SFMBT1: variants seen among roughly 807,000 people sequenced by gnomAD.
SFMBT1 encodes Scm like with four mbt domains 1.
Under a neutral mutation model 108.7 loss-of-function variants are expected in SFMBT1, and 32 were observed. The observed-to-expected ratio is 0.29, with a 90% CI of 0.22 to 0.40. SFMBT1 has a LOEUF of 0.40. SFMBT1 is among the 10% of genes least tolerant of loss of function. SFMBT1 has a pLI of 1.00. For synonymous variants in SFMBT1, 348 were observed against 369.5 expected (o/e 0.94, Z 0.67); for missense variants, 816 against 1,059.6 (o/e 0.77, Z 3.19).
At chr3:52,953,035 A>G (rs933529756) in intron 3 of SFMBT1, among the ~76,000 whole-genome samples, 8 of 152,200 alleles carry the variant, frequency 5.3e-5, no homozygotes, top group Non-Finnish European at 4.4e-5. Context: ...TGAGAAGATA[A>G]ATGTCAGTTG....
At chr3:53,000,137 C>G (rs1389051432) in intron 1 of SFMBT1, among the ~76,000 whole-genome samples, 1 of 150,198 alleles carries the variant, frequency 6.7e-6, no homozygotes, top group African/African-American at 2.4e-5. Context: ...GCTGGGATTA[C>G]AGGCGTGAGC....
intron 4 of SFMBT1, among the ~76,000 whole-genome samples, chr3:52,938,341 G>A (rs894590534): frequency 2.0e-5 from 3 of 151,934 alleles, no homozygotes; most frequent in Admixed American, 6.6e-5. Context: ...TATATACTTC[G>A]TGTATATGTA....
rs116522183 is a variant in SFMBT1, at chr3:52,993,141, A to C, written c.-130-23883T>G. On this transcript the variant is annotated intron_variant, in intron 1 of 20. Transcript: ENST00000394752. ...TCAAAAAATAGCACATAGAGCAGGT[A>C]AAAAGGGTAGGAAAAATTTTTTTCT... Among the ~76,000 whole-genome samples, 794 of 150,968 alleles carry C rather than the reference A, an allele frequency of 5.3e-3. 25 individuals are homozygous for C. Among genetic ancestry groups the C allele is most frequent in the African/African-American group, 0.018 (737 of 41,460 alleles).
chr3:52,969,368 T>C (rs1204955937), intron 1 of SFMBT1, 110 bp from the exon 2 acceptor site: 2 of 1,125,704 alleles, frequency 1.8e-6, no homozygotes, highest in Non-Finnish European at 1.2e-6. Flanking sequence ...AAAAACATAC[T>C]GGCAGAATAG....
chr3:52,930,891 A>C, intron 7 of SFMBT1, 50 bp downstream of exon 7: 12 of 1,503,868 alleles, frequency 8.0e-6, no homozygotes, highest in Non-Finnish European at 1.1e-5. Context: ...GCGTTGCTTT[A>C]CTCTACTGTA....
At position 52,935,968 on chromosome 3, in the gene SFMBT1, C is replaced by T. The variant is rs1312457654; in HGVS notation, c.365-1067G>A. Among the ~76,000 whole-genome samples, 4 of 152,224 alleles carry T rather than the reference C, an allele frequency of 2.6e-5. No individual in the cohort carries two copies. In the East Asian group the frequency reaches 7.7e-4, roughly 29 times the overall value. On this transcript the variant is annotated intron_variant, in intron 4 of 20. Transcript: ENST00000394752. ...TGGTGACCAGTTGTTCTACTGTTCC[C>T]TGTATTTGCCATAAATCAGTATTTA... is the stretch of plus-strand genomic sequence containing the variant.
intron 15 of SFMBT1, among the ~76,000 whole-genome samples, 185 bp downstream of exon 15, chr3:52,913,293 G>A (rs965343153): frequency 2.9e-5 from 3 of 104,514 alleles, no homozygotes; most frequent in Admixed American, 8.6e-5. Context: ...AGTTGTTTAC[G>A]TGAATGTTTC....
At chr3:53,035,002 G>A (rs995739329) in intron 1 of SFMBT1, among the ~76,000 whole-genome samples, 19 of 152,352 alleles carry the variant, frequency 1.2e-4, no homozygotes, top group Non-Finnish European at 2.2e-4. Context: ...CGGTCCATGT[G>A]AGACTGACAT....
At position 52,921,714 on chromosome 3, in the gene SFMBT1, G is replaced by C. The variant is rs371573708; in HGVS notation, c.1249C>G (p.Gln417Glu). 3 of 1,613,952 alleles carry C rather than the reference G, an allele frequency of 1.9e-6. No homozygotes were observed. The African/African-American group carries it at 4.0e-5, about 22-fold the overall frequency. The change falls in exon 11 of 21, where the codon CAG (glutamine) becomes GAG (glutamate). Residue 417 changes from glutamine (Q) to glutamate (E), a missense_variant. Around this residue, in one of 5 missense-constraint regions of SFMBT1, gnomAD observed 495 missense variants for 607.4 expected, o/e 0.81. Coordinates refer to ENST00000394752, the MANE Select transcript of SFMBT1 (RefSeq NM_016329.4). ...TAVRGSYLWL[Q>E]LEGSKKPIPE... ...GAGTGCTGGCACTCACCCTCCAGCTGGAGCCACAGGTAGGAGCCTCTCACT... is the reference window on the plus strand; with the variant it reads ...GAGTGCTGGCACTCACCCTCCAGCTCGAGCCACAGGTAGGAGCCTCTCACT...
At chr3:52,915,127 T>G (rs35569457) in intron 14 of SFMBT1, among the ~76,000 whole-genome samples, 17,431 of 152,192 alleles carry the variant, frequency 0.11, 1,029 homozygotes, top group Non-Finnish European at 0.13. Context: ...TGGTTCAACT[T>G]ATCTCTCTGC....
chr3:52,905,140 T>C lies in SFMBT1; in HGVS notation c.2597A>G (p.Asn866Ser), dbSNP rs139862995. The change falls in exon 21 of 21, where the codon AAC (asparagine) becomes AGC (serine). Residue 866 changes from asparagine (N) to serine (S), a missense_variant. Transcript: ENST00000394752. ...AGCTCACTTTGGTTGTCCTTCTCAGTTGGCAAACTGCTCATAAAAAGCAAA... is the reference window on the plus strand; with the variant it reads ...AGCTCACTTTGGTTGTCCTTCTCAGCTGGCAAACTGCTCATAAAAAGCAAA... ...IKFAFYEQFA[N>S] is the part of the protein sequence containing the mutation. The C allele has an allele frequency of 3.3e-4, 532 of 1,613,670 alleles. No individual in the cohort carries two copies. Among genetic ancestry groups the C allele is most frequent in the Non-Finnish European group, 4.1e-4 (481 of 1,179,832 alleles).
intron 3 of SFMBT1, among the ~76,000 whole-genome samples, chr3:52,944,920 C>A (rs1703307178): frequency 6.6e-6 from 1 of 151,824 alleles, no homozygotes; most frequent in Non-Finnish European, 1.5e-5. Flanking sequence ...CCTCCCACAT[C>A]AGCCTCCTGA....
chr3:52,909,340 T>G (rs1033638115), intron 17 of SFMBT1, among the ~76,000 whole-genome samples: 2 of 152,222 alleles, frequency 1.3e-5, no homozygotes, highest in Non-Finnish European at 2.9e-5. Context: ...ATAATTGCAG[T>G]TTCCTAAACT....
At chr3:52,910,914 A>G (rs1374631027) in intron 17 of SFMBT1, 89 bp downstream of exon 17, 10 of 1,164,228 alleles carry the variant, frequency 8.6e-6, no homozygotes, top group Non-Finnish European at 1.2e-5. Context: ...TGCCTCTGCT[A>G]TATATGAATG....
At chr3:53,029,731 T>A (rs570435523) in intron 1 of SFMBT1, among the ~76,000 whole-genome samples, 1 of 152,226 alleles carries the variant, frequency 6.6e-6, no homozygotes, top group Non-Finnish European at 1.5e-5. Context: ...CATCTTCAGA[T>A]GCTTTAGTCT....
chr3:53,006,202 G>C (rs186905620), intron 1 of SFMBT1, among the ~76,000 whole-genome samples: 77 of 152,274 alleles, frequency 5.1e-4, no homozygotes, highest in African/African-American at 1.8e-3. Context: ...CAGACTGAAG[G>C]CTTCTGAATG....
chr3:52,996,817 C>A lies in SFMBT1; in HGVS notation c.-130-27559G>T, dbSNP rs1174311545. 2.0e-5 allele frequency among the ~76,000 whole-genome samples: 3 copies of A among 150,338 alleles called. 1 individual carries two copies. The highest frequency in any genetic ancestry group is 4.5e-5 in the Non-Finnish European group (3 of 67,122). On this transcript the variant is annotated intron_variant, in intron 1 of 20. Transcript: ENST00000394752. ...GGGCACGGTGGCTCACGCCTGTAATCCCAGCACTTTGGGAGGCAGAGATGG... is the reference window on the plus strand; with the variant it reads ...GGGCACGGTGGCTCACGCCTGTAATACCAGCACTTTGGGAGGCAGAGATGG...
In SFMBT1 at chr3:52,907,124, C is replaced by T. The variant is rs748348277; in HGVS notation, c.2276G>A (p.Arg759Lys). 16 of 1,614,016 alleles carry T rather than the reference C, an allele frequency of 9.9e-6. No individual in the cohort carries two copies. In the African/African-American group the frequency reaches 1.7e-4, roughly 18 times the overall value. Residue 759 changes from arginine (R) to lysine (K), a missense_variant, in exon 19 of 21, where the codon AGG (arginine) becomes AAG (lysine). Arg to Lys is a conservative substitution (Grantham distance 26). Coordinates refer to ENST00000394752, the MANE Select transcript of SFMBT1 (RefSeq NM_016329.4). ...AGAAAATGAAAAGGTGCGAAGCTCC[C>T]TTTTTCTCCTTTGTCTATCTGGAGG... Reference protein sequence around the residue: ...SLPPDRQRRKRELRTFSFSDD... With the variant: ...SLPPDRQRRKKELRTFSFSDD...
chr3:53,039,636 C>T (rs543270365), intron 1 of SFMBT1, among the ~76,000 whole-genome samples: 42 of 152,114 alleles, frequency 2.8e-4, no homozygotes, highest in Non-Finnish European at 3.8e-4. Flanking sequence ...ATGTATATAA[C>T]TTACCACAAC....
Sources: allele counts gnomAD v4.1 joint callset (sites outside exome capture counted in the v4.1 genomes callset), GRCh38; gene constraint gnomAD v4.1.1; regional missense constraint gnomAD v4.1.1; transcripts MANE v1.5; gene names NCBI Gene and HGNC (gene_info 2026-07-23, HGNC 2026-07-21).